Variants in LRP1B observed in about 807,000 individuals in gnomAD.
LRP1B encodes low-density lipoprotein receptor-related protein 1B.
Under a neutral mutation model 556.6 loss-of-function variants are expected in LRP1B, and 217 were observed. The observed-to-expected ratio is 0.39, with a 90% CI of 0.35 to 0.44. LRP1B has a LOEUF of 0.44. LRP1B is among the 20% of genes least tolerant of loss of function. LRP1B has a pLI of 1.00. For missense variants in LRP1B, 5,053 were observed against 5,620.8 expected (o/e 0.90, Z 3.23); for synonymous variants, 2,047 against 1,865.8 (o/e 1.10, Z -2.50).
intron 1 of LRP1B, among the ~76,000 whole-genome samples, chr2:141,937,723 G>C (rs530139577): frequency 1.3e-5 from 2 of 149,208 alleles, no homozygotes; most frequent in Non-Finnish European, 1.5e-5. Context: ...TTTTTTCTTT[G>C]TTGCCTGAGA....
intron 3 of LRP1B, among the ~76,000 whole-genome samples, chr2:141,290,281 A>G (rs1685892242): frequency 6.6e-6 from 1 of 152,200 alleles, no homozygotes; most frequent in Non-Finnish European, 1.5e-5. Context: ...AGAAAGAATG[A>G]TAAGATTCAA....
chr2:141,537,903 G>T (rs960099480), intron 2 of LRP1B, among the ~76,000 whole-genome samples: 1 of 152,008 alleles, frequency 6.6e-6, no homozygotes, highest in Admixed American at 6.6e-5. Context: ...TCCTCTTGTG[G>T]AATTCCACCC....
At chr2:140,653,499 TTA>T (rs1416392249) in intron 41 of LRP1B, among the ~76,000 whole-genome samples, 1 of 151,968 alleles carries the variant, frequency 6.6e-6, no homozygotes, top group African/African-American at 2.4e-5. Flanking sequence ...TCATTAAAAT[TTA>T]TATGATAATA....
intron 41 of LRP1B, among the ~76,000 whole-genome samples, chr2:140,666,827 C>T (rs1468292365): frequency 2.6e-5 from 4 of 152,120 alleles, no homozygotes; most frequent in Admixed American, 1.3e-4. Flanking sequence ...GGGAAAACAC[C>T]AGAAAGAAAC....
rs1362976382 is a variant in LRP1B at position 140,495,639 on chromosome 2, C to T, written c.8960G>A (p.Gly2987Glu). ...ATCTGTACAGAGGCACTTGTAAGTC[C>T]CGTATGTATTGATGCATTGCTGGCT... The part of the protein sequence containing the change: ...PCSQQCINTY[G>E]TYKCLCTDGY... Residue 2987 changes from glycine to glutamate, a missense_variant, in exon 56 of 91, where the codon GGG becomes GAG. By Grantham distance (98) the Gly-to-Glu change is moderately conservative (BLOSUM62 -2). Around this residue, in one of 5 missense-constraint regions of LRP1B, gnomAD observed 3,619 missense variants for 3,931.9 expected, o/e 0.92. Coordinates refer to ENST00000389484, the MANE Select transcript of LRP1B (RefSeq NM_018557.3). 6.2e-7 allele frequency: 1 copy of T among 1,613,882 alleles called. No individual in the cohort carries two copies. The highest frequency in any genetic ancestry group is 8.5e-7 in the Non-Finnish European group (1 of 1,179,830).
rs1288961036 is a variant in LRP1B at position 140,232,429 on chromosome 2, TA to T, written c.*756del. On this transcript the variant is annotated 3_prime_UTR_variant, in exon 91 of 91. Coordinates refer to ENST00000389484, the MANE Select transcript of LRP1B (RefSeq NM_018557.3). ...GAGACTGAGGGAGAATAAAAGGTCT[TA>T]TTCCATAGCAAGTGCAGTCGGCCAA... 6.6e-6 allele frequency: 1 copy of T among 151,592 alleles called. No homozygotes were observed. Among genetic ancestry groups the T allele is most frequent in the Non-Finnish European group, 1.5e-5 (1 of 67,526 alleles). The allele number at this position is 151,592 out of a possible 1,614,324, so 9.4% of individuals were successfully genotyped here. A position where few individuals can be genotyped will look rare whatever the true frequency, so the allele number is the denominator to read the frequency against.
At chr2:141,253,573 T>A (rs1434915874) in intron 4 of LRP1B, among the ~76,000 whole-genome samples, 2 of 152,126 alleles carry the variant, frequency 1.3e-5, no homozygotes, top group Non-Finnish European at 2.9e-5. Flanking sequence ...TGTGTGGACT[T>A]AAGTCAATGA....
chr2:140,506,857 C>T lies in LRP1B; in HGVS notation c.8460G>A (p.Lys2820=), dbSNP rs1333197028. 3.1e-6 allele frequency: 5 copies of T among 1,613,910 alleles called. No individual in the cohort carries two copies. The African/African-American group carries it at 5.3e-5, about 17-fold the overall frequency. ...FMCHNKVCIP[K]QFVCDHDDDC... ...CGTCATCATGGTCACAAACAAATTG[C>T]TTGGGAATGCATACTTTATTATGGC... The change falls in exon 53 of 91, where the codon AAG becomes AAA. Residue 2820 remains lysine, a synonymous_variant. Transcript: ENST00000389484.
chr2:140,585,376 CA>C (rs1681944490), intron 43 of LRP1B, among the ~76,000 whole-genome samples: 1 of 152,024 alleles, frequency 6.6e-6, no homozygotes. Flanking sequence ...CATGTCTAAA[CA>C]ATCTAAGTTT....
intron 41 of LRP1B, among the ~76,000 whole-genome samples, chr2:140,633,837 C>A (rs1443404634): frequency 6.6e-6 from 1 of 152,080 alleles, no homozygotes; most frequent in Non-Finnish European, 1.5e-5. Flanking sequence ...AGCACCAGAT[C>A]CAAGGAGTAT....
intron 3 of LRP1B, among the ~76,000 whole-genome samples, chr2:141,276,537 A>G (rs1299768522): frequency 6.6e-6 from 1 of 152,126 alleles, no homozygotes; most frequent in Non-Finnish European, 1.5e-5. Flanking sequence ...TACTAGTGAG[A>G]ACACATGGGG....
chr2:140,813,803 A>G lies in LRP1B; in HGVS notation c.5213T>C (p.Leu1738Pro). The G allele has an allele frequency of 6.3e-7, 1 of 1,599,766 alleles. No homozygotes were observed. The highest frequency in any genetic ancestry group is 8.5e-7 in the Non-Finnish European group (1 of 1,170,936). ...LFQNQKEPVG[L>P]SIDYVENKLY... The stretch of plus-strand genomic sequence containing the variant: ...CTTGTTTTCCACATAGTCTATCGAT[A>G]GACCTGTAATTAAATTTTACAACTT... Residue 1738 changes from leucine (L) to proline (P), a missense_variant, in exon 32 of 91, where the codon CTA becomes CCA. Leu to Pro is a moderately conservative substitution (Grantham distance 98). Transcript: ENST00000389484.
chr2:141,157,107 T>C (rs919954093), intron 7 of LRP1B, among the ~76,000 whole-genome samples: 6 of 152,116 alleles, frequency 3.9e-5, no homozygotes, highest in Non-Finnish European at 7.4e-5. Flanking sequence ...ATGTCACCTA[T>C]CATTTGCTTT....
chr2:141,421,441 A>C (rs1217488288), intron 3 of LRP1B, among the ~76,000 whole-genome samples: 1 of 149,674 alleles, frequency 6.7e-6, no homozygotes, highest in South Asian at 2.1e-4. Context: ...AGGCAGGAGA[A>C]TGGCGTGAAC....
chr2:141,853,425 G>A (rs1447116747), intron 1 of LRP1B, among the ~76,000 whole-genome samples: 2 of 151,456 alleles, frequency 1.3e-5, no homozygotes, highest in African/African-American at 2.4e-5. Context: ...GTTTCTCCAC[G>A]TTCTACAGAT....
At chr2:141,868,979 C>A (rs547719497) in intron 1 of LRP1B, among the ~76,000 whole-genome samples, 1 of 152,160 alleles carries the variant, frequency 6.6e-6, no homozygotes, top group South Asian at 2.1e-4. Flanking sequence ...ACAATCAAGT[C>A]TTAATTAGCA....
chr2:140,905,473 A>C (rs1414641600), intron 22 of LRP1B, among the ~76,000 whole-genome samples: 1 of 152,084 alleles, frequency 6.6e-6, no homozygotes, highest in Non-Finnish European at 1.5e-5. Flanking sequence ...ACTACCCAGA[A>C]CTACCTTCTA....
chr2:141,317,367 C>T (rs1573797089), intron 3 of LRP1B, among the ~76,000 whole-genome samples: 1 of 152,136 alleles, frequency 6.6e-6, no homozygotes, highest in East Asian at 1.9e-4. Flanking sequence ...TCTTCCTTGG[C>T]TTGCAGATGG....
intron 2 of LRP1B, among the ~76,000 whole-genome samples, chr2:141,798,599 C>T (rs893502515): frequency 6.9e-6 from 1 of 143,928 alleles, no homozygotes; most frequent in Non-Finnish European, 1.5e-5. Context: ...CCCAGCTACT[C>T]GGGAGGCTGA....
Sources: allele counts gnomAD v4.1 joint callset (sites outside exome capture counted in the v4.1 genomes callset), GRCh38; gene constraint gnomAD v4.1.1; regional missense constraint gnomAD v4.1.1; transcripts MANE v1.5; gene names NCBI Gene and HGNC (gene_info 2026-07-23, HGNC 2026-07-21).